The following ALAS1 variants were observed in gnomAD, a reference collection of about 807,000 sequenced individuals.
The protein encoded by ALAS1 is 5-aminolevulinate synthase, non-specific, mitochondrial.
In ALAS1, 29 loss-of-function variants were observed where a neutral mutation model predicts 59.6. The ratio of observed to expected loss-of-function variants is 0.49; its 90% confidence interval spans 0.36 to 0.66. ALAS1 has a LOEUF of 0.66. Among genes scored for constraint, ALAS1 ranks in the 30% least tolerant of loss-of-function variants. ALAS1 has a pLI of 0.00. For synonymous variants in ALAS1, 299 were observed against 296.6 expected (o/e 1.01, Z -0.08); for missense variants, 690 against 807.5 (o/e 0.85, Z 1.76).
chr3:52,211,199 C>T, intron 9 of ALAS1, 84 bp from the exon 10 acceptor site: 1 of 1,496,542 alleles, frequency 6.7e-7, no homozygotes, highest in South Asian at 1.2e-5. Flanking sequence ...AAAGTCAGTG[C>T]TTTGAGGCTC....
chr3:52,207,140 A>T (rs1001918660), intron 8 of ALAS1, among the ~76,000 whole-genome samples: 1 of 151,598 alleles, frequency 6.6e-6, no homozygotes, highest in African/African-American at 2.4e-5. Context: ...AGTAGCTGGG[A>T]CTACAGGCGC....
At chr3:52,198,596 C>A (rs919323239) in intron 1 of ALAS1, 76 bp from the exon 2 acceptor site, 1 of 597,752 alleles carries the variant, frequency 1.7e-6, no homozygotes. Context: ...ACTTTATAAG[C>A]CCCTGCGCGT....
chr3:52,214,172 C>T lies in ALAS1; in HGVS notation c.1915C>T (p.Gln639Ter). 2 of 1,595,200 alleles carry T rather than the reference C, an allele frequency of 1.3e-6. No homozygotes were observed. Among genetic ancestry groups the T allele is most frequent in the South Asian group, 2.2e-5 (2 of 90,350 alleles). ...AGGCTTGAGCAAGTTGGTATCTGCT[C>T]AGGCCTGAGCATGACCTCAATTATT... Reference protein sequence around the residue: ...FSGLSKLVSAQA With the variant: ...FSGLSKLVSA The change falls in exon 12 of 12, where the codon CAG becomes TAG. Residue 639 changes from glutamine (Q) to a stop codon, truncating the protein, a stop_gained. Coordinates refer to ENST00000484952, the MANE Select transcript of ALAS1 (RefSeq NM_000688.6). LOFTEE classifies it high-confidence loss of function.
At chr3:52,204,162 C>A in intron 5 of ALAS1, 150 bp downstream of exon 5, 1 of 802,550 alleles carries the variant, frequency 1.2e-6, no homozygotes, top group Non-Finnish European at 1.9e-6. Context: ...GAGAAGATCA[C>A]TTGAGGCCAG....
chr3:52,211,516 G>A lies in ALAS1; in HGVS notation c.1564G>A (p.Val522Ile). 1 of 1,614,226 alleles carries A rather than the reference G, an allele frequency of 6.2e-7. No individual in the cohort carries two copies. The highest frequency in any genetic ancestry group is 8.5e-7 in the Non-Finnish European group (1 of 1,180,040). Residue 522 changes from valine (V) to isoleucine (I), a missense_variant, in exon 10 of 12, where the codon GTT (valine) becomes ATT (isoleucine). By Grantham distance (29) the Val-to-Ile change is conservative. Coordinates refer to ENST00000484952, the MANE Select transcript of ALAS1 (RefSeq NM_000688.6). ...RQMLMDAGLP[V>I]VHCPSHIIPV... is the part of the protein sequence containing the mutation. ...GATGCTAATGGATGCCGGCCTCCCT[G>A]TTGTCCACTGCCCCAGCCACATCAT...
upstream of ALAS1, chr3:52,198,122 C>G (rs756435244): frequency 2.5e-6 from 1 of 398,278 alleles, no homozygotes; most frequent in Non-Finnish European, 4.4e-6. Context: ...GCAGCGGTCA[C>G]TCCCGCTGTA....
chr3:52,209,322 C>T lies in ALAS1; in HGVS notation c.1330+1075C>T, dbSNP rs566087284. On this transcript the variant is annotated intron_variant, in intron 9 of 11. Transcript: ENST00000484952. ...TCCCAGGTTCATGCCATTCTACTGCCTCAGCCTCCCAAGTAGCTGGGACTA... is the reference window on the plus strand; with the variant it reads ...TCCCAGGTTCATGCCATTCTACTGCTTCAGCCTCCCAAGTAGCTGGGACTA... Among the ~76,000 whole-genome samples, 3 of 152,334 alleles carry T rather than the reference C, an allele frequency of 2.0e-5. 1 individual carries two copies. The South Asian group carries it at 6.2e-4, about 32-fold the overall frequency.
In ALAS1 at chr3:52,198,729, G is replaced by C; in HGVS notation, c.-152G>C. On this transcript the variant is annotated 5_prime_UTR_variant, in exon 2 of 12. Transcript: ENST00000484952. ...ACCACGGAGGAATCCTTGCTTCAGG[G>C]ACTCGGGACCCTGCTGGACCCCTTC... 1.5e-6 allele frequency: 2 copies of C among 1,376,240 alleles called. No homozygotes were observed. The highest frequency in any genetic ancestry group is 2.5e-5 in the South Asian group (2 of 80,866). 85.3% of individuals were successfully genotyped at this position (1,376,240 alleles called of 1,614,324 possible). A position where few individuals can be genotyped will look rare whatever the true frequency, so the allele number is the denominator to read the frequency against.
intron 3 of ALAS1, among the ~76,000 whole-genome samples, chr3:52,201,620 C>T (rs376460017): frequency 3.0e-4 from 45 of 151,944 alleles, no homozygotes; most frequent in African/African-American, 1.1e-3. Flanking sequence ...ATTAGCTGGG[C>T]GCAGTAGAAC....
chr3:52,212,482 G>A, intron 11 of ALAS1, 62 bp downstream of exon 11: 2 of 1,592,494 alleles, frequency 1.3e-6, no homozygotes, highest in Non-Finnish European at 1.7e-6. Context: ...TCTTTGCAGT[G>A]TTTATAATTG....
chr3:52,208,438 C>T (rs147777160), intron 9 of ALAS1, among the ~76,000 whole-genome samples, 191 bp downstream of exon 9: 1 of 152,296 alleles, frequency 6.6e-6, no homozygotes, highest in East Asian at 1.9e-4. Flanking sequence ...AAAGTAAATC[C>T]CACAGCCTAA....
At position 52,204,006 on chromosome 3, in the gene ALAS1, C is replaced by G; in HGVS notation, c.571C>G (p.Pro191Ala). The change falls in exon 5 of 12, where the codon CCA becomes GCA. Residue 191 changes from proline (P) to alanine (A), a missense_variant. Physicochemically the swap from Pro to Ala is conservative, Grantham distance 27. Coordinates refer to ENST00000484952, the MANE Select transcript of ALAS1 (RefSeq NM_000688.6). ...GTCTCATCTTCTTCAAGATAACTTG[C>G]CAAAATGTAAGTCTCATTGTTATTT... ...RVSHLLQDNL[P>A]KSVSTFQYDR... is the part of the protein sequence containing the mutation. 6.2e-7 allele frequency: 1 copy of G among 1,603,118 alleles called. No homozygotes were observed. Among genetic ancestry groups the G allele is most frequent in the Non-Finnish European group, 8.5e-7 (1 of 1,175,048 alleles).
At position 52,212,394 on chromosome 3, in the gene ALAS1, C is replaced by G. The variant is rs1003718227; in HGVS notation, c.1736C>G (p.Thr579Arg). The G allele has an allele frequency of 1.2e-6, 2 of 1,614,092 alleles. No homozygotes were observed. The highest frequency in any genetic ancestry group is 2.7e-5 in the African/African-American group (2 of 75,042). ...LLRIAPTPHHTPQMMNYFLEN... is the reference protein window; with the variant it reads ...LLRIAPTPHHRPQMMNYFLEN... The stretch of plus-strand genomic sequence containing the variant: ...CGGATTGCCCCCACCCCTCACCACA[C>G]ACCCCAGATGATGAACTACTTCCTT... Residue 579 changes from threonine (T) to arginine (R), a missense_variant, in exon 11 of 12, where the codon ACA becomes AGA. Coordinates refer to ENST00000484952, the MANE Select transcript of ALAS1 (RefSeq NM_000688.6).
intron 3 of ALAS1, among the ~76,000 whole-genome samples, chr3:52,201,551 A>G (rs183524615): frequency 6.6e-6 from 1 of 152,244 alleles, no homozygotes; most frequent in African/African-American, 2.4e-5. Flanking sequence ...TAGGAGTTTG[A>G]TAGAAGCTAG....
At chr3:52,198,601 G>T (rs904913392) in intron 1 of ALAS1, 71 bp from the exon 2 acceptor site, 1 of 596,566 alleles carries the variant, frequency 1.7e-6, no homozygotes, top group Non-Finnish European at 3.0e-6. Flanking sequence ...ATAAGCCCCT[G>T]CGCGTCCCCA....
chr3:52,205,296 T>C (rs971975575), intron 6 of ALAS1, among the ~76,000 whole-genome samples: 6 of 152,108 alleles, frequency 3.9e-5, no homozygotes, highest in Admixed American at 6.5e-5. Flanking sequence ...CCAAAAGACA[T>C]GTTAAAAAGG....
At chr3:52,208,888 C>T (rs1266749068) in intron 9 of ALAS1, among the ~76,000 whole-genome samples, 1 of 152,222 alleles carries the variant, frequency 6.6e-6, no homozygotes, top group Non-Finnish European at 1.5e-5. Flanking sequence ...TTATTATAAA[C>T]ATTCCCTCTG....
Position 52,211,155 on chromosome 3 carries a change from A to G in ALAS1, c.1331-128A>G, listed in dbSNP as rs184166103. On this transcript the variant is annotated intron_variant, in intron 9 of 11. Transcript: ENST00000484952. ...ATTAATGTGGTGCATGACTACTCCA[A>G]TCAGTCCAGGAACAAATTAAAAAGA... 116 of 1,026,236 alleles carry G rather than the reference A, an allele frequency of 1.1e-4. 1 individual carries two copies. The highest frequency in any genetic ancestry group is 1.0e-3 in the African/African-American group (63 of 62,750). 63.6% of individuals were successfully genotyped at this position (1,026,236 alleles called of 1,614,324 possible).
chr3:52,211,700 C>T (rs1167822381), intron 10 of ALAS1, 149 bp downstream of exon 10: 18 of 1,195,612 alleles, frequency 1.5e-5, no homozygotes, highest in South Asian at 7.3e-5. Context: ...GTCATGTTTC[C>T]GCCATTGGCT....
Sources: gnomAD v4.1 joint callset for allele counts (sites outside exome capture counted in the v4.1 genomes callset) on GRCh38, gnomAD v4.1.1 for gene constraint, MANE v1.5 for transcripts, NCBI Gene and HGNC (gene_info 2026-07-23, HGNC 2026-07-21) for gene names.